CEP112: variants seen among roughly 807,000 people sequenced by gnomAD.
CEP112 encodes centrosomal protein 112.
CEP112 carries 127 observed loss-of-function variants against 153.0 expected under a neutral mutation model. The ratio of observed to expected loss-of-function variants is 0.83; its 90% CI spans 0.72 to 0.96. CEP112 has a LOEUF of 0.96. Ranked by LOEUF, CEP112 falls within the 40% of genes least tolerant of loss-of-function variation. CEP112 has a pLI of 0.00. For synonymous variants in CEP112, 358 were observed against 374.4 expected (o/e 0.96, Z 0.51); for missense variants, 1,089 against 1,101.2 (o/e 0.99, Z 0.16).
rs759139451 is a variant in CEP112 at position 66,175,074 on chromosome 17, G to C, written c.440C>G (p.Thr147Ser). 1.2e-6 allele frequency: 2 copies of C among 1,611,922 alleles called. No individual in the cohort carries two copies. The highest frequency in any genetic ancestry group is 4.5e-5 in the East Asian group (2 of 44,806). ...GACATCAGTTGGCGACTGTACTAAA[G>C]TGTTATCTTCTCCAGAAGAGAGTTT... Reference protein sequence around the residue: ...SWKLSSGEDNTLVQSPTDVYS... With the variant: ...SWKLSSGEDNSLVQSPTDVYS... Residue 147 changes from threonine (T) to serine (S), a missense_variant, in exon 4 of 27, where the codon ACT becomes AGT. Physicochemically the swap from Thr to Ser is moderately conservative, Grantham distance 58. Transcript: ENST00000535342.
intron 5 of CEP112, among the ~76,000 whole-genome samples, chr17:66,130,669 G>T (rs185727053): frequency 6.6e-6 from 1 of 151,630 alleles, no homozygotes; most frequent in East Asian, 1.9e-4. Flanking sequence ...CCAGCTACTC[G>T]GGACGCTGAG....
intron 21 of CEP112, among the ~76,000 whole-genome samples, chr17:65,798,246 A>C (rs893173577): frequency 6.6e-6 from 1 of 151,640 alleles, no homozygotes; most frequent in African/African-American, 2.4e-5. Flanking sequence ...ATTTAGTCAT[A>C]AAAAAAACAC....
intron 23 of CEP112, among the ~76,000 whole-genome samples, chr17:65,705,517 A>C (rs889989426): frequency 1.3e-5 from 2 of 152,218 alleles, no homozygotes; most frequent in Admixed American, 6.5e-5. Flanking sequence ...AAAGTATGTG[A>C]TAAGGACAAA....
intron 4 of CEP112, among the ~76,000 whole-genome samples, chr17:66,136,128 A>T (rs1265073643): frequency 6.6e-6 from 1 of 152,166 alleles, no homozygotes; most frequent in African/African-American, 2.4e-5. Context: ...AAGCAAGGTT[A>T]CTTAAGGGAC....
intron 21 of CEP112, among the ~76,000 whole-genome samples, chr17:65,825,682 T>C (rs771361845): frequency 3.9e-5 from 6 of 151,916 alleles, no homozygotes; most frequent in Admixed American, 6.6e-5. Flanking sequence ...AAAATAGTTA[T>C]CATAACTTAA....
At chr17:65,654,507 G>A (rs149022413) in intron 24 of CEP112, among the ~76,000 whole-genome samples, 32 of 152,316 alleles carry the variant, frequency 2.1e-4, no homozygotes, top group African/African-American at 7.2e-5. Flanking sequence ...CAAGGCAAGC[G>A]GGTGGCTGGT....
intron 18 of CEP112, among the ~76,000 whole-genome samples, chr17:65,954,947 A>T (rs1269630439): frequency 6.6e-6 from 1 of 152,240 alleles, no homozygotes; most frequent in Non-Finnish European, 1.5e-5. Context: ...ATTTGAGGGA[A>T]TAATTTAGGA....
intron 20 of CEP112, among the ~76,000 whole-genome samples, chr17:65,882,126 A>C (rs941261119): frequency 6.6e-6 from 1 of 152,270 alleles, no homozygotes; most frequent in African/African-American, 2.4e-5. Flanking sequence ...CTGAAACTAA[A>C]GTCCACAAGA....
At chr17:66,035,813 A>G (rs2065714408) in intron 12 of CEP112, among the ~76,000 whole-genome samples, 2 of 152,172 alleles carry the variant, frequency 1.3e-5, no homozygotes, top group South Asian at 2.1e-4. Flanking sequence ...ACAGAAACAT[A>G]CCAGGAAAAC....
At chr17:65,737,026 C>T (rs550520863) in intron 23 of CEP112, among the ~76,000 whole-genome samples, 5 of 152,204 alleles carry the variant, frequency 3.3e-5, no homozygotes, top group African/African-American at 1.2e-4. Context: ...CACTGAGTCT[C>T]CAAAAGTGTT....
At chr17:65,677,457 T>C (rs574364723) in intron 24 of CEP112, among the ~76,000 whole-genome samples, 11 of 152,374 alleles carry the variant, frequency 7.2e-5, no homozygotes, top group Middle Eastern at 3.4e-3. Flanking sequence ...TTTTTTCTAC[T>C]GGAACTATGC....
intron 19 of CEP112, among the ~76,000 whole-genome samples, chr17:65,902,752 G>A (rs1346199510): frequency 6.6e-6 from 1 of 151,852 alleles, no homozygotes; most frequent in Non-Finnish European, 1.5e-5. Context: ...ATAAAAGATC[G>A]GAGCTAAATA....
At position 65,805,950 on chromosome 17, in the gene CEP112, T is replaced by C. The variant is rs990112459; in HGVS notation, c.2394+45854A>G. On this transcript the variant is annotated intron_variant, in intron 21 of 26. Coordinates refer to ENST00000535342, the MANE Select transcript of CEP112 (RefSeq NM_001199165.4). ...ATTTTCAGAATTTTAAGCTGCATTA[T>C]GGATCCATTCAAATAATATTTGACA... Among the ~76,000 whole-genome samples the C allele has an allele frequency of 7.2e-5, 11 of 152,236 alleles. 1 individual carries two copies. In the East Asian group the frequency reaches 1.2e-3, roughly 16 times the overall value.
chr17:66,031,425 G>A (rs1389290225), intron 12 of CEP112, among the ~76,000 whole-genome samples: 1 of 151,394 alleles, frequency 6.6e-6, no homozygotes, highest in East Asian at 1.9e-4. Flanking sequence ...GTAGCTTGCA[G>A]CAGATCACAA....
At chr17:66,092,758 G>T (rs892885369) in intron 8 of CEP112, among the ~76,000 whole-genome samples, 66 of 152,080 alleles carry the variant, frequency 4.3e-4, no homozygotes, top group African/African-American at 1.5e-3. Context: ...TTAACAGAAT[G>T]AAGGATAAAA....
At chr17:65,893,397 A>G (rs1430134269) in intron 20 of CEP112, among the ~76,000 whole-genome samples, 1 of 152,166 alleles carries the variant, frequency 6.6e-6, no homozygotes, top group Non-Finnish European at 1.5e-5. Flanking sequence ...AAACCCTGGA[A>G]GTCTAATTGT....
chr17:65,826,404 C>T, intron 21 of CEP112: 1 of 1,576,578 alleles, frequency 6.3e-7, no homozygotes, highest in Non-Finnish European at 8.5e-7. Context: ...AGCACAGCCT[C>T]CCTCCCCTGA....
intron 12 of CEP112, among the ~76,000 whole-genome samples, chr17:66,036,130 C>A (rs1249538561): frequency 6.6e-6 from 1 of 152,202 alleles, no homozygotes; most frequent in Non-Finnish European, 1.5e-5. Context: ...ACAAACACTG[C>A]ATGATTCCAG....
intron 18 of CEP112, chr17:65,941,704 C>A (rs533811063): frequency 1.3e-5 from 2 of 151,946 alleles, no homozygotes; most frequent in African/African-American, 4.8e-5. Flanking sequence ...AAAAAAGGTA[C>A]AGAAAAGGGC....
Sources: gnomAD v4.1 joint callset for allele counts (sites outside exome capture counted in the v4.1 genomes callset) on GRCh38, gnomAD v4.1.1 for gene constraint, MANE v1.5 for transcripts, NCBI Gene and HGNC (gene_info 2026-07-23, HGNC 2026-07-21) for gene names.